The following ITGA9 variants were observed in gnomAD, a reference collection of about 807,000 sequenced individuals.
ITGA9 encodes the protein integrin alpha-9.
In ITGA9, 56 loss-of-function variants were observed where a neutral mutation model predicts 127.8. That is an observed-to-expected ratio of 0.44 (90% CI 0.35 to 0.55). ITGA9 has a LOEUF of 0.55. Among genes scored for constraint, ITGA9 ranks in the 20% least tolerant of loss-of-function variants. The pLI is 0.00. For synonymous variants in ITGA9, 508 were observed against 514.5 expected, an observed-to-expected ratio of 0.99 and a Z score of 0.17; for missense variants, 1,196 against 1,347.1, an observed-to-expected ratio of 0.89 and a Z score of 1.76.
chr3:37,653,803 T>C lies in ITGA9; in HGVS notation c.1916+13T>C. On this transcript the variant is annotated intron_variant, in intron 17 of 27. Coordinates refer to ENST00000264741, the MANE Select transcript of ITGA9 (RefSeq NM_002207.3). ...TGCTGCTCTCCAGGTATGTCGGTGT[T>C]TCCTTCAGAGCATTGTTCTCAGGCT... 1 of 1,602,280 alleles carries C rather than the reference T, an allele frequency of 6.2e-7. No homozygotes were observed. The highest frequency in any genetic ancestry group is 1.1e-5 in the South Asian group (1 of 90,852).
intron 8 of ITGA9, 103 bp from the exon 9 acceptor site, chr3:37,513,660 C>T: frequency 8.1e-7 from 1 of 1,239,858 alleles, no homozygotes; most frequent in East Asian, 3.7e-5. Context: ...TTGTTCAATT[C>T]CTCTGAGGGA....
chr3:37,612,702 A>T (rs1700034800), intron 15 of ITGA9, among the ~76,000 whole-genome samples: 1 of 152,250 alleles, frequency 6.6e-6, no homozygotes, highest in South Asian at 2.1e-4. Flanking sequence ...AAAACAAGCC[A>T]AAAGAAGTTG....
At chr3:37,523,068 CTG>C (rs2125582349) in intron 11 of ITGA9, among the ~76,000 whole-genome samples, 1 of 152,268 alleles carries the variant, frequency 6.6e-6, no homozygotes, top group South Asian at 2.1e-4. Flanking sequence ...GGGAAAGACT[CTG>C]TAATGTGTGC....
At chr3:37,676,116 A>T (rs1176791281) in intron 17 of ITGA9, among the ~76,000 whole-genome samples, 1 of 152,210 alleles carries the variant, frequency 6.6e-6, no homozygotes, top group Non-Finnish European at 1.5e-5. Context: ...AACATAAGCA[A>T]GTATGTATCA....
intron 18 of ITGA9, among the ~76,000 whole-genome samples, chr3:37,721,774 G>C (rs1294766810): frequency 6.6e-6 from 1 of 152,108 alleles, no homozygotes; most frequent in African/African-American, 2.4e-5. Flanking sequence ...GTTCCTTAAG[G>C]ATACTTTTAG....
chr3:37,697,333 T>G (rs1281643878), intron 18 of ITGA9, among the ~76,000 whole-genome samples: 2 of 149,100 alleles, frequency 1.3e-5, no homozygotes, highest in African/African-American at 2.4e-5. Context: ...TTATTATTAT[T>G]ATTATTATTA....
At chr3:37,716,237 A>G (rs1055319551) in intron 18 of ITGA9, among the ~76,000 whole-genome samples, 49 of 152,280 alleles carry the variant, frequency 3.2e-4, no homozygotes, top group African/African-American at 1.0e-3. Flanking sequence ...TGGGGGGTCA[A>G]TGTGCATGGT....
rs1265309669 is a variant in ITGA9 at position 37,615,447 on chromosome 3, C to T, written c.1690-13740C>T. ...ATTCTCTTTTTTGGTTGTGTCTCTG[C>T]CAGGCTTTGGTATCAGGATGATGCT... is the stretch of plus-strand genomic sequence containing the variant. On this transcript the variant is annotated intron_variant, in intron 15 of 27. Coordinates refer to ENST00000264741, the MANE Select transcript of ITGA9 (RefSeq NM_002207.3). 3.3e-5 allele frequency among the ~76,000 whole-genome samples: 5 copies of T among 152,256 alleles called. No individual in the cohort carries two copies. In the South Asian group the frequency reaches 6.2e-4, roughly 19 times the overall value.
At chr3:37,503,133 C>G in intron 5 of ITGA9, 45 bp from the exon 6 acceptor site, 1 of 1,609,908 alleles carries the variant, frequency 6.2e-7, no homozygotes, top group Non-Finnish European at 8.5e-7. Flanking sequence ...CCCTCCTCCC[C>G]TCCTCACTTC....
At chr3:37,568,836 C>G (rs767749176) in intron 15 of ITGA9, among the ~76,000 whole-genome samples, 3 of 152,250 alleles carry the variant, frequency 2.0e-5, no homozygotes, top group Non-Finnish European at 4.4e-5. Flanking sequence ...CAACAAGTCT[C>G]TAGGAAGTTC....
rs1700208868 is a variant in ITGA9 at position 37,629,421 on chromosome 3, G to A, written c.1839+85G>A. 2.0e-6 allele frequency: 3 copies of A among 1,501,700 alleles called. No homozygotes were observed. Among genetic ancestry groups the A allele is most frequent in the Non-Finnish European group, 2.7e-6 (3 of 1,096,694 alleles). The allele number at this position is 1,501,700 out of a possible 1,614,324, so 93.0% of individuals were successfully genotyped here. ...ATGGCCCAAAAGTTGAGAGAGCCGT[G>A]GGCCTGGCTGCTCAGGAGACCGCAG... On this transcript the variant is annotated intron_variant, in intron 16 of 27. Coordinates refer to ENST00000264741, the MANE Select transcript of ITGA9 (RefSeq NM_002207.3). The surrounding 1 kb of genome is among the most constrained non-coding windows in gnomAD (Gnocchi z 4.5).
chr3:37,712,238 C>T (rs182259200), intron 18 of ITGA9, among the ~76,000 whole-genome samples: 2 of 152,204 alleles, frequency 1.3e-5, no homozygotes, highest in Admixed American at 1.3e-4. Context: ...CAAGGGTTTC[C>T]AGGTGACCAC....
chr3:37,472,913 C>T (rs1189006714), intron 2 of ITGA9, among the ~76,000 whole-genome samples: 1 of 151,196 alleles, frequency 6.6e-6, no homozygotes, highest in African/African-American at 2.4e-5. Flanking sequence ...TTGGGGTGGG[C>T]GGATCACTTG....
At chr3:37,711,729 G>A (rs948404160) in intron 18 of ITGA9, among the ~76,000 whole-genome samples, 5 of 152,206 alleles carry the variant, frequency 3.3e-5, no homozygotes, top group African/African-American at 1.2e-4. Flanking sequence ...AAAGGGAGGA[G>A]TGTCAAATAA....
chr3:37,574,541 T>C (rs1256318626), intron 15 of ITGA9, among the ~76,000 whole-genome samples: 2 of 152,360 alleles, frequency 1.3e-5, no homozygotes, highest in East Asian at 1.9e-4. Context: ...TTAAAACTTA[T>C]GGTTTTAACC....
Position 37,821,442 on chromosome 3 carries a change from T to C in ITGA9, c.*2453T>C, listed in dbSNP as rs1291691546. ...GCAAAATGCAGTGGCATGTGGACTT[T>C]TTGAATGGGATGCCATTTGCAGCTT... On this transcript the variant is annotated 3_prime_UTR_variant, in exon 28 of 28. Transcript: ENST00000264741. The C allele has an allele frequency of 6.6e-6, 1 of 152,150 alleles. No homozygotes were observed. The highest frequency in any genetic ancestry group is 1.5e-5 in the Non-Finnish European group (1 of 68,016). The allele number at this position is 152,150 out of a possible 1,614,324, so 9.4% of individuals were successfully genotyped here.
chr3:37,811,236 T>C (rs78213135), intron 27 of ITGA9, among the ~76,000 whole-genome samples: 10,314 of 152,242 alleles, frequency 0.068, 575 homozygotes, highest in African/African-American at 0.14. Context: ...AAATATGAAA[T>C]GCTTTTAAAG....
At chr3:37,464,655 A>G (rs1209655669) in intron 1 of ITGA9, among the ~76,000 whole-genome samples, 1 of 152,202 alleles carries the variant, frequency 6.6e-6, no homozygotes, top group African/African-American at 2.4e-5. Flanking sequence ...TGCTTCTTAC[A>G]CTTTATCACC....
At chr3:37,761,561 A>C (rs1696723280) in intron 23 of ITGA9, among the ~76,000 whole-genome samples, 1 of 152,250 alleles carries the variant, frequency 6.6e-6, no homozygotes, top group Non-Finnish European at 1.5e-5. Context: ...TAGTGCAGAG[A>C]TACTGTATCA....
Sources: gnomAD v4.1 joint callset for allele counts (sites outside exome capture counted in the v4.1 genomes callset) on GRCh38, gnomAD v4.1.1 for gene constraint, Gnocchi (gnomAD v3.1) non-coding constraint, MANE v1.5 for transcripts, NCBI Gene and HGNC (gene_info 2026-07-23, HGNC 2026-07-21) for gene names.